The following MRTFA variants were observed in gnomAD, a reference collection of about 807,000 sequenced individuals.
The protein encoded by MRTFA is myocardin-related transcription factor A.
A neutral mutation model predicts 83.5 loss-of-function variants in MRTFA; 20 were observed. That is an observed-to-expected ratio of 0.24 (90% CI 0.17 to 0.35). The LOEUF (loss-of-function observed/expected upper bound fraction) is 0.35, where lower values mean the gene tolerates loss of function less well. Among genes scored for constraint, MRTFA ranks in the 10% least tolerant of loss-of-function variants. MRTFA has a pLI of 1.00. For synonymous variants in MRTFA, 659 were observed against 541.2 expected (o/e 1.22, Z -3.02); for missense variants, 1,200 against 1,224.7 (o/e 0.98, Z 0.30).
chr22:40,498,254 T>A, intron 3 of MRTFA, among the ~76,000 whole-genome samples: 1 of 76,448 alleles, frequency 1.3e-5, no homozygotes, highest in Non-Finnish European at 2.4e-5. Flanking sequence ...ACACACTTCA[T>A]ATATATATAT....
chr22:40,414,953 A>AATGC (rs1244413039), intron 14 of MRTFA: 2 of 151,416 alleles, frequency 1.3e-5, no homozygotes, highest in Non-Finnish European at 2.9e-5. Context: ...GTCCTGGCAG[A>AATGC]ATGCACTCTT....
intron 3 of MRTFA, chr22:40,519,562 G>A: frequency 7.4e-7 from 1 of 1,348,366 alleles, no homozygotes; most frequent in Non-Finnish European, 9.8e-7. Flanking sequence ...CTCCAAAGTG[G>A]AGGTGAAAGG....
intron 3 of MRTFA, among the ~76,000 whole-genome samples, chr22:40,493,827 G>A (rs1043720136): frequency 1.3e-5 from 2 of 152,204 alleles, no homozygotes; most frequent in African/African-American, 4.8e-5. Flanking sequence ...TCTAAGAGAA[G>A]TGAAAACATA....
chr22:40,575,272 A>G (rs1236171150), intron 2 of MRTFA, among the ~76,000 whole-genome samples: 2 of 152,178 alleles, frequency 1.3e-5, no homozygotes, highest in African/African-American at 4.8e-5. Context: ...AGCCCCTTGC[A>G]TAGAGAAGAT....
chr22:40,506,060 T>C (rs1004664487), intron 3 of MRTFA, among the ~76,000 whole-genome samples: 2 of 152,042 alleles, frequency 1.3e-5, no homozygotes, highest in Non-Finnish European at 2.9e-5. Flanking sequence ...GGTGAAACCC[T>C]GTCTCTACTA....
intron 3 of MRTFA, chr22:40,521,849 TCTCTC>T (rs2054873681): frequency 2.0e-5 from 3 of 148,280 alleles, no homozygotes; most frequent in South Asian, 4.2e-4. Flanking sequence ...TCCCTCTCTC[TCTCTC>T]CTTTTTTTTT....
intron 3 of MRTFA, among the ~76,000 whole-genome samples, chr22:40,548,632 G>T (rs139230555): frequency 6.6e-6 from 1 of 152,008 alleles, no homozygotes; most frequent in Non-Finnish European, 1.5e-5. Context: ...AGGCCAAGGC[G>T]GGCGGATCAC....
intron 3 of MRTFA, among the ~76,000 whole-genome samples, chr22:40,491,381 T>A (rs1319832316): frequency 6.6e-6 from 1 of 152,124 alleles, no homozygotes; most frequent in Non-Finnish European, 1.5e-5. Context: ...GGAAGGCTGT[T>A]CACATAGGCA....
At chr22:40,607,902 C>T (rs2056337304) in intron 1 of MRTFA, among the ~76,000 whole-genome samples, 1 of 152,198 alleles carries the variant, frequency 6.6e-6, no homozygotes, top group African/African-American at 2.4e-5. Flanking sequence ...GAGATTTAGA[C>T]TTTGGGATTA....
chr22:40,494,239 T>A (rs948341308), intron 3 of MRTFA, among the ~76,000 whole-genome samples: 1 of 152,120 alleles, frequency 6.6e-6, no homozygotes, highest in Non-Finnish European at 1.5e-5. Context: ...ACTTTAGTAA[T>A]AAAGGGAGAT....
intron 3 of MRTFA, among the ~76,000 whole-genome samples, chr22:40,501,051 G>A (rs1221652500): frequency 2.1e-4 from 25 of 120,914 alleles, no homozygotes; most frequent in African/African-American, 8.6e-4. Flanking sequence ...TCCCGGACGG[G>A]GCGGCTGGCC....
chr22:40,586,897 C>CTGG (rs1364135165), intron 2 of MRTFA: 1 of 433,212 alleles, frequency 2.3e-6, no homozygotes, highest in African/African-American at 2.0e-5. Flanking sequence ...GCTGCTGGTG[C>CTGG]TGCTGGTGCT....
intron 2 of MRTFA, among the ~76,000 whole-genome samples, chr22:40,557,388 T>G (rs1433327110): frequency 6.6e-6 from 1 of 152,186 alleles, no homozygotes; most frequent in Non-Finnish European, 1.5e-5. Flanking sequence ...ACCCCATTAT[T>G]TCAGACTTAA....
At chr22:40,490,417 G>A (rs186511858) in intron 3 of MRTFA, among the ~76,000 whole-genome samples, 4 of 152,136 alleles carry the variant, frequency 2.6e-5, no homozygotes, top group South Asian at 2.1e-4. Context: ...TGGCTAATAC[G>A]TGAAACCCTG....
intron 3 of MRTFA, among the ~76,000 whole-genome samples, chr22:40,486,302 G>A (rs1295975370): frequency 1.3e-5 from 2 of 152,162 alleles, no homozygotes; most frequent in Non-Finnish European, 2.9e-5. Flanking sequence ...GAAATGATTC[G>A]ATTACGGATA....
chr22:40,438,818 T>A (rs1180535198), intron 4 of MRTFA, among the ~76,000 whole-genome samples: 1 of 152,166 alleles, frequency 6.6e-6, no homozygotes, highest in East Asian at 1.9e-4. Flanking sequence ...ATCTGCAGTT[T>A]CAGATATCCA....
chr22:40,416,929 A>C lies in MRTFA; in HGVS notation c.2578+57T>G. 37 of 1,500,322 alleles carry C rather than the reference A, an allele frequency of 2.5e-5. No homozygotes were observed. The highest frequency in any genetic ancestry group is 3.1e-5 in the Non-Finnish European group (34 of 1,100,366). 92.9% of individuals were successfully genotyped at this position (1,500,322 alleles called of 1,614,324 possible). A position where few individuals can be genotyped will look rare whatever the true frequency, so the allele number is the denominator to read the frequency against. ...AATAAAAACAAACCAACCCAGGGCTAGAGACACCTATGAACAGAGAAGGCC... is the reference window on the plus strand; with the variant it reads ...AATAAAAACAAACCAACCCAGGGCTCGAGACACCTATGAACAGAGAAGGCC... On this transcript the variant is annotated intron_variant, in intron 14 of 14. Transcript: ENST00000355630. This position sits in a 1 kb window ranked among gnomAD's most constrained non-coding sequence, Gnocchi z 4.2.
At chr22:40,585,807 G>C (rs948010986) in intron 2 of MRTFA, among the ~76,000 whole-genome samples, 35 of 152,046 alleles carry the variant, frequency 2.3e-4, no homozygotes, top group African/African-American at 7.7e-4. Flanking sequence ...GTAAGACTTG[G>C]GATATATTTT....
intron 2 of MRTFA, among the ~76,000 whole-genome samples, chr22:40,568,100 A>C (rs754570580): frequency 1.3e-5 from 2 of 152,222 alleles, no homozygotes; most frequent in Non-Finnish European, 2.9e-5. Flanking sequence ...CTATGGGTCA[A>C]GAGGTCAAGC....
Sources: gnomAD v4.1 joint callset for allele counts (sites outside exome capture counted in the v4.1 genomes callset) on GRCh38, gnomAD v4.1.1 for gene constraint, Gnocchi (gnomAD v3.1) non-coding constraint, MANE v1.5 for transcripts, NCBI Gene and HGNC (gene_info 2026-07-23, HGNC 2026-07-21) for gene names.